Variants in RASSF3 observed in about 807,000 individuals in gnomAD.
RASSF3 encodes the protein Ras association domain family member 3, also known as ras association domain-containing protein 3.
In RASSF3, 19 loss-of-function variants were observed where a neutral mutation model predicts 19.9. The ratio of observed to expected loss-of-function variants is 0.96; its 90% CI spans 0.67 to 1.40. RASSF3 has a LOEUF of 1.40. Ranked by LOEUF, RASSF3 falls within the 40% of genes most tolerant of loss-of-function variation. RASSF3 has a pLI of 0.00. For synonymous variants in RASSF3, 110 were observed against 104.2 expected (o/e 1.06, Z -0.34); for missense variants, 306 against 289.8 (o/e 1.06, Z -0.41).
chr12:64,630,901 A>G (rs1871148635), intron 1 of RASSF3, among the ~76,000 whole-genome samples: 1 of 152,134 alleles, frequency 6.6e-6, no homozygotes, highest in Non-Finnish European at 1.5e-5. Flanking sequence ...TCAGGCAATC[A>G]ATATATGGCA....
At position 64,695,458 on chromosome 12, in the gene RASSF3, G is replaced by C. The variant is rs1180451043; in HGVS notation, c.*546G>C. ...AGGATTTTGTTAGGGGGTTGACAGA[G>C]AAAGCAAAGTGTAAGTTTGGAAGAA... On this transcript the variant is annotated 3_prime_UTR_variant, in exon 5 of 5. Coordinates refer to ENST00000542104, the MANE Select transcript of RASSF3 (RefSeq NM_178169.4). 3 of 152,942 alleles carry C rather than the reference G, an allele frequency of 2.0e-5. No homozygotes were observed. The highest frequency in any genetic ancestry group is 4.4e-5 in the Non-Finnish European group (3 of 68,284). The allele number at this position is 152,942 out of a possible 1,614,324, so 9.5% of individuals were successfully genotyped here. A position where few individuals can be genotyped will look rare whatever the true frequency, so the allele number is the denominator to read the frequency against.
chr12:64,516,357 C>T (rs938910893), intron 1 of RASSF3, among the ~76,000 whole-genome samples: 5 of 152,110 alleles, frequency 3.3e-5, no homozygotes, highest in Non-Finnish European at 5.9e-5. Flanking sequence ...CGGTGGCTCA[C>T]GCCTGTAATC....
chr12:64,678,120 AG>A (rs1171189737), intron 1 of RASSF3, among the ~76,000 whole-genome samples: 2 of 152,198 alleles, frequency 1.3e-5, no homozygotes, highest in Non-Finnish European at 2.9e-5. Context: ...ACCTAGACTC[AG>A]TTCAGTTTGA....
At chr12:64,570,384 A>G (rs1047302569) in intron 2 of RASSF3, among the ~76,000 whole-genome samples, 6 of 152,050 alleles carry the variant, frequency 3.9e-5, no homozygotes, top group African/African-American at 1.4e-4. Context: ...TCTCCTTTAT[A>G]TTTCTCATCT....
At chr12:64,554,010 T>C (rs1020970524) in intron 2 of RASSF3, among the ~76,000 whole-genome samples, 3 of 149,492 alleles carry the variant, frequency 2.0e-5, no homozygotes, top group African/African-American at 7.5e-5. Flanking sequence ...AAAAAAAAAG[T>C]TGTCTGGGGC....
intron 1 of RASSF3, among the ~76,000 whole-genome samples, chr12:64,512,193 G>C (rs1353653578): frequency 6.6e-6 from 1 of 152,176 alleles, no homozygotes. Flanking sequence ...TGGATGCTCT[G>C]GTGTCTTGTC....
intron 1 of RASSF3, among the ~76,000 whole-genome samples, chr12:64,644,100 A>G (rs1202889052): frequency 6.6e-6 from 1 of 152,152 alleles, no homozygotes; most frequent in Non-Finnish European, 1.5e-5. Context: ...AGCCAGATGG[A>G]GTGGTATTTA....
At chr12:64,600,930 A>C (rs552860234) in intron 2 of RASSF3, among the ~76,000 whole-genome samples, 15 of 152,120 alleles carry the variant, frequency 9.9e-5, no homozygotes, top group Non-Finnish European at 8.8e-5. Context: ...TCTTAATGTC[A>C]TTGTAACCTT....
chr12:64,534,056 T>C (rs1482366346), intron 1 of RASSF3, among the ~76,000 whole-genome samples: 1 of 152,102 alleles, frequency 6.6e-6, no homozygotes, highest in Non-Finnish European at 1.5e-5. Context: ...CCCAGGAGTT[T>C]GAGACCAGCC....
intron 1 of RASSF3, among the ~76,000 whole-genome samples, chr12:64,621,900 G>A (rs1870783687): frequency 6.6e-6 from 1 of 152,132 alleles, no homozygotes; most frequent in African/African-American, 2.4e-5. Context: ...AAATAAACCC[G>A]TGGGATTCAG....
chr12:64,514,754 T>G (rs1868350705), intron 1 of RASSF3, among the ~76,000 whole-genome samples: 1 of 152,152 alleles, frequency 6.6e-6, no homozygotes, highest in Non-Finnish European at 1.5e-5. Flanking sequence ...TTTCTCATAG[T>G]GCATGGCTTT....
intron 1 of RASSF3, among the ~76,000 whole-genome samples, chr12:64,512,216 G>A (rs1446910795): frequency 1.3e-5 from 2 of 152,210 alleles, no homozygotes; most frequent in East Asian, 3.8e-4. Context: ...TTGGAGGGTA[G>A]GGTGTAACCT....
At chr12:64,638,597 G>A (rs1349841939) in intron 1 of RASSF3, among the ~76,000 whole-genome samples, 4 of 134,860 alleles carry the variant, frequency 3.0e-5, no homozygotes, top group African/African-American at 1.1e-4. Context: ...AAAAAAAAAA[G>A]TAATATGAAT....
chr12:64,535,635 G>C lies in RASSF3; in HGVS notation c.67+2301G>C, dbSNP rs946079481. Among the ~76,000 whole-genome samples the C allele has an allele frequency of 4.0e-4, 61 of 151,660 alleles. 1 individual carries two copies. The highest frequency in any genetic ancestry group is 4.8e-5 in the African/African-American group (2 of 41,240). On this transcript the variant is annotated intron_variant, in intron 1 of 1. Transcript: ENST00000636333. ...CTCACCTTGACCTCCCAAAGTGCTG[G>C]GATTACAGGCATGAGGAGCCACTGT... is the stretch of plus-strand genomic sequence containing the variant.
At chr12:64,646,831 A>T (rs1380451594) in intron 1 of RASSF3, among the ~76,000 whole-genome samples, 8 of 152,104 alleles carry the variant, frequency 5.3e-5, no homozygotes, top group African/African-American at 1.9e-4. Flanking sequence ...GGTAATAATA[A>T]CAACTGTAGC....
chr12:64,691,101 AC>A (rs1868272631), intron 3 of RASSF3, among the ~76,000 whole-genome samples: 1 of 151,632 alleles, frequency 6.6e-6, no homozygotes, highest in Non-Finnish European at 1.5e-5. Flanking sequence ...GCCTCAGGTG[AC>A]CCGCCCACCT....
At chr12:64,557,401 C>A (rs1193829521) in intron 2 of RASSF3, among the ~76,000 whole-genome samples, 3 of 152,152 alleles carry the variant, frequency 2.0e-5, no homozygotes, top group Admixed American at 6.5e-5. Context: ...CCTCTTCCTG[C>A]TGGTAATTGA....
chr12:64,567,223 A>G (rs1171940080), intron 2 of RASSF3, among the ~76,000 whole-genome samples: 1 of 152,158 alleles, frequency 6.6e-6, no homozygotes, highest in Admixed American at 6.6e-5. Flanking sequence ...AGAGGATGAT[A>G]GTTACACCCT....
intron 1 of RASSF3, among the ~76,000 whole-genome samples, chr12:64,513,916 G>A (rs1250312625): frequency 6.6e-6 from 1 of 152,108 alleles, no homozygotes; most frequent in African/African-American, 2.4e-5. Flanking sequence ...GTCTCGCTCT[G>A]TCACCCAGGC....
Sources: allele counts gnomAD v4.1 joint callset (sites outside exome capture counted in the v4.1 genomes callset), GRCh38; gene constraint gnomAD v4.1.1; transcripts MANE v1.5; gene names NCBI Gene and HGNC (gene_info 2026-07-23, HGNC 2026-07-21).